Variants in CCND3 observed in about 807,000 individuals in gnomAD.
The protein encoded by CCND3 is cyclin D3.
CCND3 carries 9 observed loss-of-function variants against 28.7 expected under a neutral mutation model. The ratio of observed to expected loss-of-function variants is 0.31; its 90% CI spans 0.19 to 0.55. The LOEUF is 0.55. CCND3 is among the 20% of genes least tolerant of loss of function. The pLI, the probability that CCND3 is intolerant of heterozygous loss-of-function variation, is 0.93. For synonymous variants in CCND3, 164 were observed against 163.9 expected, an observed-to-expected ratio of 1.00 and a Z score of 0.00; for missense variants, 315 against 385.8, an observed-to-expected ratio of 0.82 and a Z score of 1.54.
intron 1 of CCND3, among the ~76,000 whole-genome samples, chr6:42,016,941 A>G (rs1343698590): frequency 1.3e-5 from 2 of 152,202 alleles, no homozygotes; most frequent in African/African-American, 4.8e-5. Context: ...ATGACCTGCT[A>G]AGTGGGCAAA....
At chr6:41,949,658 C>A (rs2127399295) in intron 1 of CCND3, among the ~76,000 whole-genome samples, 1 of 151,820 alleles carries the variant, frequency 6.6e-6, no homozygotes, top group Non-Finnish European at 1.5e-5. Context: ...AGTAACAAAA[C>A]CGTGCAAGCC....
chr6:42,042,799 A>G (rs746574621), intron 1 of CCND3, among the ~76,000 whole-genome samples: 1 of 152,078 alleles, frequency 6.6e-6, no homozygotes, highest in African/African-American at 2.4e-5. Context: ...GCATTCAACT[A>G]ATATTGGTTA....
chr6:42,023,097 G>A (rs976476527), intron 1 of CCND3, among the ~76,000 whole-genome samples: 3 of 152,192 alleles, frequency 2.0e-5, no homozygotes, highest in African/African-American at 4.8e-5. Context: ...ACAGACATGC[G>A]CAAAGCCATG....
rs1456909822 is a variant in CCND3 at position 41,935,890 on chromosome 6, G to C, written c.*50C>G. On this transcript the variant is annotated 3_prime_UTR_variant, in exon 5 of 5. Transcript: ENST00000372991. Reference sequence around the variant, plus strand: ...GTTCCTGGAGGCAGGGAGGTGGGTGGCAGCGGCCCCTCCTCTGCTTAGTGG... The same window carrying C: ...GTTCCTGGAGGCAGGGAGGTGGGTGCCAGCGGCCCCTCCTCTGCTTAGTGG... The C allele has an allele frequency of 6.5e-7, 1 of 1,527,152 alleles. No homozygotes were observed. The highest frequency in any genetic ancestry group is 1.4e-5 in the African/African-American group (1 of 73,424). The allele number at this position is 1,527,152 out of a possible 1,614,324, so 94.6% of individuals were successfully genotyped here.
At chr6:41,996,515 A>G (rs1222551905) in intron 1 of CCND3, among the ~76,000 whole-genome samples, 2 of 151,998 alleles carry the variant, frequency 1.3e-5, no homozygotes, top group Non-Finnish European at 1.5e-5. Flanking sequence ...CAGCCTTTCT[A>G]CGAAGCCTTT....
In CCND3 at chr6:41,937,382, G is replaced by A; in HGVS notation, c.427C>T (p.Leu143=). The A allele has an allele frequency of 1.2e-6, 2 of 1,614,096 alleles. No individual in the cohort carries two copies. Among genetic ancestry groups the A allele is most frequent in the East Asian group, 2.2e-5 (1 of 44,884 alleles). The change falls in exon 3 of 5, where the codon CTG becomes TTG. Residue 143 remains leucine (L), a synonymous_variant. Transcript: ENST00000372991. ...TCCCACTTGAGCTTCCCTAGGACCA[G>A]CACCTCCCAGTCCTGAAAAAGCGGG... ...SPRQLRDWEV[L]VLGKLKWDLA... is the part of the protein sequence containing the mutation.
intron 1 of CCND3, among the ~76,000 whole-genome samples, chr6:41,975,190 A>G (rs1762141280): frequency 6.6e-6 from 1 of 152,196 alleles, no homozygotes; most frequent in Non-Finnish European, 1.5e-5. Flanking sequence ...ATTTACATGT[A>G]TATAATGCTT....
intron 1 of CCND3, among the ~76,000 whole-genome samples, chr6:42,040,512 T>G (rs1300073702): frequency 6.6e-6 from 1 of 152,058 alleles, no homozygotes; most frequent in African/African-American, 2.4e-5. Context: ...GCTATATGAC[T>G]TTGGACTAGA....
In CCND3 at chr6:42,000,234, C is replaced by CGTTTTTTTT. The variant is rs1762951898; in HGVS notation, c.-46+48266_-46+48267insAAAAAAAAC. Reference sequence around the variant, plus strand: ...AGTCTCGTGGAAATTTGAAAACATACTTTTTTTTTTTTTTTTTTTTTTTTT... The same window carrying CGTTTTTTTT: ...AGTCTCGTGGAAATTTGAAAACATACGTTTTTTTTTTTTTTTTTTTTTTTTTTTTTTTTT... On this transcript the variant is annotated intron_variant, in intron 1 of 4. Transcript: ENST00000372988. Among the ~76,000 whole-genome samples the CGTTTTTTTT allele has an allele frequency of 2.5e-4, 13 of 51,012 alleles. 2 individuals are homozygous for CGTTTTTTTT. The highest frequency in any genetic ancestry group is 3.2e-4 in the Non-Finnish European group (10 of 31,692). 33.5% of individuals were successfully genotyped at this position (51,012 alleles called of 152,430 possible).
intron 1 of CCND3, among the ~76,000 whole-genome samples, chr6:42,002,785 C>T (rs572739670): frequency 6.6e-6 from 1 of 151,684 alleles, no homozygotes; most frequent in East Asian, 2.0e-4. Flanking sequence ...ACCCGGGAGG[C>T]AGAGCTTGCA....
chr6:41,963,356 G>A (rs1370846318), intron 1 of CCND3, among the ~76,000 whole-genome samples: 1 of 152,238 alleles, frequency 6.6e-6, no homozygotes, highest in Admixed American at 6.5e-5. Context: ...GTTGCCCACA[G>A]AGGCTACCCT....
At chr6:42,000,234 C>CGTTTTTTTTTTTTTTTTTTTTT (rs1762951898) in intron 1 of CCND3, among the ~76,000 whole-genome samples, 4 of 51,024 alleles carry the variant, frequency 7.8e-5, no homozygotes, top group Non-Finnish European at 1.3e-4. Flanking sequence ...TGAAAACATA[C>CGTTTTTTTTTTTTTTTTTTTTT]TTTTTTTTTT....
In CCND3 at chr6:41,935,620, G is replaced by C. The variant is rs911260447; in HGVS notation, c.*320C>G. ...AAAACATGAGAGCCCCCAGGGGTGG[G>C]GGGGGGCGTTCAAAAGGAATGCTGG... On this transcript the variant is annotated 3_prime_UTR_variant, in exon 5 of 5. Transcript: ENST00000372991. The C allele has an allele frequency of 2.1e-4, 100 of 470,760 alleles. 1 individual carries two copies. Among genetic ancestry groups the C allele is most frequent in the East Asian group, 1.5e-4 (5 of 32,650 alleles). The allele number at this position is 470,760 out of a possible 1,614,324, so 29.2% of individuals were successfully genotyped here.
chr6:41,976,765 A>C (rs1360172528), intron 1 of CCND3, among the ~76,000 whole-genome samples: 2 of 152,214 alleles, frequency 1.3e-5, no homozygotes, highest in Non-Finnish European at 2.9e-5. Context: ...TGATATATGA[A>C]GGATATCAGA....
At chr6:41,967,653 C>G (rs926902157) in intron 1 of CCND3, among the ~76,000 whole-genome samples, 6 of 152,188 alleles carry the variant, frequency 3.9e-5, no homozygotes, top group African/African-American at 1.4e-4. Context: ...TGGGACACAC[C>G]TTGAGTAGTG....
chr6:41,995,143 A>G (rs1762763698), intron 1 of CCND3, among the ~76,000 whole-genome samples: 1 of 152,204 alleles, frequency 6.6e-6, no homozygotes, highest in Non-Finnish European at 1.5e-5. Flanking sequence ...GCATAAGAAC[A>G]TACAAATGGT....
At position 41,936,853 on chromosome 6, in the gene CCND3, G is replaced by C. The variant is rs1775817862; in HGVS notation, c.575-158C>G. 1.5e-6 allele frequency: 1 copy of C among 684,050 alleles called. No individual in the cohort carries two copies. The highest frequency in any genetic ancestry group is 1.8e-5 in the African/African-American group (1 of 55,286). 42.4% of individuals were successfully genotyped at this position (684,050 alleles called of 1,614,324 possible). A position where few individuals can be genotyped will look rare whatever the true frequency, so the allele number is the denominator to read the frequency against. ...GGTGGGGCAAGATATCAGCAAGGGAGGAAGACAGGAAAGAGTATCTTTCCT... is the reference window on the plus strand; with the variant it reads ...GGTGGGGCAAGATATCAGCAAGGGACGAAGACAGGAAAGAGTATCTTTCCT... On this transcript the variant is annotated intron_variant, in intron 3 of 4. Coordinates refer to ENST00000372991, the MANE Select transcript of CCND3 (RefSeq NM_001760.5). This position sits in a 1 kb window ranked among gnomAD's most constrained non-coding sequence, Gnocchi z 4.4.
At chr6:41,974,182 C>G (rs550531380) in intron 1 of CCND3, among the ~76,000 whole-genome samples, 3 of 151,554 alleles carry the variant, frequency 2.0e-5, no homozygotes, top group African/African-American at 4.9e-5. Flanking sequence ...GACTCTGTCT[C>G]GAAGAAACAA....
Position 41,960,071 on chromosome 6 carries a change from T to G in CCND3, c.-45-19486A>C, listed in dbSNP as rs535348266. On this transcript the variant is annotated intron_variant, in intron 1 of 4. Transcript: ENST00000372988. ...GCCATAAAAAGGAGTGCAGTATTGA[T>G]GCATGCTACAACACGGATGAGTCCT... Among the ~76,000 whole-genome samples the G allele has an allele frequency of 7.2e-5, 11 of 152,316 alleles. 1 individual carries two copies. In the South Asian group the frequency reaches 2.3e-3, roughly 32 times the overall value.
Sources: gnomAD v4.1 joint callset for allele counts (sites outside exome capture counted in the v4.1 genomes callset) on GRCh38, gnomAD v4.1.1 for gene constraint, Gnocchi (gnomAD v3.1) non-coding constraint, MANE v1.5 for transcripts, NCBI Gene and HGNC (gene_info 2026-07-23, HGNC 2026-07-21) for gene names.